Variants in WWOX observed in about 807,000 individuals in gnomAD.
WWOX encodes the protein WW domain-containing oxidoreductase.
Under a neutral mutation model 46.2 loss-of-function variants are expected in WWOX, and 69 were observed. That is an observed-to-expected ratio of 1.49 (90% confidence interval 1.23 to 1.82). The LOEUF (loss-of-function observed/expected upper bound fraction) is 1.82, where lower values mean the gene tolerates loss of function less well. WWOX is among the 40% of genes most tolerant of loss of function. The pLI is 0.00. For missense variants in WWOX, 919 were observed against 542.6 expected (o/e 1.69, Z -6.89); for synonymous variants, 359 against 202.6 (o/e 1.77, Z -6.56).
chr16:78,658,098 C>G (rs1419758639), intron 8 of WWOX, among the ~76,000 whole-genome samples: 3 of 151,998 alleles, frequency 2.0e-5, no homozygotes, highest in Non-Finnish European at 1.5e-5. Context: ...CATCACTGGC[C>G]TCTACCCACT....
intron 8 of WWOX, among the ~76,000 whole-genome samples, chr16:78,864,546 G>A (rs1176508631): frequency 6.6e-6 from 1 of 152,074 alleles, no homozygotes; most frequent in Admixed American, 6.6e-5. Context: ...TGGGATTATA[G>A]GCATGAGCCA....
chr16:79,158,503 A>G (rs1665800307), intron 8 of WWOX, among the ~76,000 whole-genome samples: 1 of 92,730 alleles, frequency 1.1e-5, no homozygotes. Context: ...TACAAATACA[A>G]CTCCTTATCC....
intron 8 of WWOX, among the ~76,000 whole-genome samples, chr16:79,141,591 T>C (rs564302609): frequency 1.3e-5 from 2 of 152,218 alleles, no homozygotes; most frequent in Non-Finnish European, 2.9e-5. Context: ...GTTCTCCAAA[T>C]TTAAGAGATT....
intron 8 of WWOX, among the ~76,000 whole-genome samples, chr16:78,817,420 C>T (rs2051363979): frequency 6.6e-6 from 1 of 152,094 alleles, no homozygotes; most frequent in South Asian, 2.1e-4. Context: ...GAGCTAATAT[C>T]TTCAGCTACC....
intron 8 of WWOX, among the ~76,000 whole-genome samples, chr16:78,697,276 C>G (rs569230689): frequency 6.6e-6 from 1 of 152,336 alleles, no homozygotes; most frequent in South Asian, 2.1e-4. Flanking sequence ...TTTACATTCC[C>G]ACCAGCAGTG....
intron 7 of WWOX, among the ~76,000 whole-genome samples, chr16:78,427,789 T>C (rs970683895): frequency 6.7e-6 from 1 of 148,358 alleles, no homozygotes; most frequent in Admixed American, 6.7e-5. Context: ...AAAATAAAAA[T>C]TAAAAATTGT....
intron 4 of WWOX, among the ~76,000 whole-genome samples, chr16:78,122,702 T>A (rs2033158588): frequency 6.6e-6 from 1 of 151,998 alleles, no homozygotes; most frequent in African/African-American, 2.4e-5. Flanking sequence ...CCTCCCGGGT[T>A]GAAGTGATTC....
intron 8 of WWOX, among the ~76,000 whole-genome samples, chr16:78,479,061 A>G (rs886487123): frequency 6.6e-6 from 1 of 152,218 alleles, no homozygotes; most frequent in Non-Finnish European, 1.5e-5. Context: ...CCTAAAATAT[A>G]AGTAAGTCAG....
At chr16:78,810,837 G>C (rs933895219) in intron 8 of WWOX, among the ~76,000 whole-genome samples, 1 of 152,152 alleles carries the variant, frequency 6.6e-6, no homozygotes, top group Non-Finnish European at 1.5e-5. Context: ...AAATGACAGC[G>C]CAAGATCCAA....
intron 8 of WWOX, among the ~76,000 whole-genome samples, chr16:79,025,434 A>C (rs929100670): frequency 5.3e-5 from 8 of 152,200 alleles, no homozygotes; most frequent in Non-Finnish European, 1.2e-4. Flanking sequence ...ATCCAATGAC[A>C]GGTGTTTTCA....
intron 5 of WWOX, among the ~76,000 whole-genome samples, chr16:78,362,586 G>A (rs756229730): frequency 2.0e-5 from 3 of 152,132 alleles, no homozygotes; most frequent in Admixed American, 6.5e-5. Flanking sequence ...TCCAGCCTGG[G>A]CAATGGAGCA....
At chr16:78,957,666 A>C (rs910546915) in intron 8 of WWOX, among the ~76,000 whole-genome samples, 2 of 151,328 alleles carry the variant, frequency 1.3e-5, no homozygotes, top group African/African-American at 4.9e-5. Flanking sequence ...CTAAAAACTT[A>C]AGTCAAGGGA....
At chr16:78,393,111 A>G (rs1035143742) in intron 6 of WWOX, among the ~76,000 whole-genome samples, 3 of 152,172 alleles carry the variant, frequency 2.0e-5, no homozygotes, top group African/African-American at 7.2e-5. Context: ...GAGAGGAGCC[A>G]GACTTCCTAC....
intron 5 of WWOX, among the ~76,000 whole-genome samples, chr16:78,205,685 A>G (rs951902458): frequency 2.6e-5 from 4 of 151,184 alleles, no homozygotes; most frequent in African/African-American, 9.7e-5. Context: ...ATCCATACAC[A>G]TCCATCTGTT....
chr16:78,973,001 C>G (rs896833365), intron 8 of WWOX, among the ~76,000 whole-genome samples: 1 of 152,172 alleles, frequency 6.6e-6, no homozygotes, highest in Non-Finnish European at 1.5e-5. Flanking sequence ...TTCCTCCGAT[C>G]GCATTGAAGA....
intron 8 of WWOX, chr16:78,551,781 C>A (rs559251914): frequency 2.6e-5 from 4 of 152,100 alleles, no homozygotes; most frequent in African/African-American, 7.2e-5. Context: ...TGTCCTCTGC[C>A]GAGACTCCAG....
intron 8 of WWOX, among the ~76,000 whole-genome samples, chr16:78,754,114 G>A (rs58947114): frequency 5.3e-5 from 8 of 151,880 alleles, no homozygotes; most frequent in African/African-American, 1.9e-4. Flanking sequence ...ATTATAAATG[G>A]ATTCCGCCAG....
intron 5 of WWOX, among the ~76,000 whole-genome samples, chr16:78,175,275 G>C (rs1204381405): frequency 6.6e-6 from 1 of 152,124 alleles, no homozygotes; most frequent in Non-Finnish European, 1.5e-5. Flanking sequence ...GGAAGATGCA[G>C]CTATGCCCAA....
chr16:78,483,637 G>T (rs187302382), intron 8 of WWOX, among the ~76,000 whole-genome samples: 1 of 152,054 alleles, frequency 6.6e-6, no homozygotes, highest in African/African-American at 2.4e-5. Context: ...GGGCTGCATC[G>T]CTTACCAATA....
Sources: gnomAD v4.1 joint callset for allele counts (sites outside exome capture counted in the v4.1 genomes callset) on GRCh38, gnomAD v4.1.1 for gene constraint, MANE v1.5 for transcripts, NCBI Gene and HGNC (gene_info 2026-07-23, HGNC 2026-07-21) for gene names.